Variants in SLC12A1 observed in about 807,000 individuals in gnomAD.
SLC12A1 encodes Na-K-2Cl cotransporter.
SLC12A1 carries 89 observed loss-of-function variants against 130.4 expected under a neutral mutation model. That is an observed-to-expected ratio of 0.68 (90% CI 0.58 to 0.81). The LOEUF is 0.81. Among genes scored for constraint, SLC12A1 ranks in the 40% least tolerant of loss-of-function variants. The pLI, the probability that SLC12A1 is intolerant of heterozygous loss-of-function variation, is 0.00. For missense variants in SLC12A1, 1,310 were observed against 1,336.4 expected (o/e 0.98, Z 0.31); for synonymous variants, 499 against 460.0 (o/e 1.08, Z -1.09).
At chr15:48,223,168 G>C (rs1284713766) in intron 4 of SLC12A1, 1 of 152,170 alleles carries the variant, frequency 6.6e-6, no homozygotes, top group Non-Finnish European at 1.5e-5. Context: ...TAAAGCTAAA[G>C]TACCTTTCTG....
chr15:48,291,599 C>T (rs866195218), intron 23 of SLC12A1, among the ~76,000 whole-genome samples, 179 bp from the exon 24 acceptor site: 14 of 152,198 alleles, frequency 9.2e-5, no homozygotes, highest in Non-Finnish European at 1.5e-4. Flanking sequence ...GCTTGGTCCA[C>T]ACTTAATGCG....
At chr15:48,290,353 T>G (rs900955072) in intron 23 of SLC12A1, among the ~76,000 whole-genome samples, 14 of 152,180 alleles carry the variant, frequency 9.2e-5, no homozygotes, top group African/African-American at 3.4e-4. Flanking sequence ...CCTGAAGCTG[T>G]TTCACAGTTC....
chr15:48,255,762 C>T (rs1450572818), intron 15 of SLC12A1, 49 bp from the exon 16 acceptor site: 2 of 1,156,480 alleles, frequency 1.7e-6, no homozygotes, highest in African/African-American at 3.1e-5. Context: ...TCATGGTGCA[C>T]AGAGGAAAGG....
In SLC12A1 at chr15:48,251,639, A is replaced by G; in HGVS notation, c.1811A>G (p.Tyr604Cys). ...SPGWRPAYGI[Y>C]NMWVSLFGAV... Reference sequence around the variant, plus strand: ...GGATGGAGACCTGCGTATGGAATTTACAACATGTGGGTATCTCTTTTTGGA... The same window carrying G: ...GGATGGAGACCTGCGTATGGAATTTGCAACATGTGGGTATCTCTTTTTGGA... Residue 604 changes from tyrosine to cysteine, a missense_variant, in exon 15 of 27, where the codon TAC (tyrosine) becomes TGC (cysteine). Physicochemically the swap from Tyr to Cys is radical, Grantham distance 194. Transcript: ENST00000380993. 6.2e-7 allele frequency: 1 copy of G among 1,613,854 alleles called. No homozygotes were observed. Among genetic ancestry groups the G allele is most frequent in the Non-Finnish European group, 8.5e-7 (1 of 1,179,770 alleles).
intron 18 of SLC12A1, among the ~76,000 whole-genome samples, chr15:48,268,166 C>T (rs1285450452): frequency 6.6e-6 from 1 of 152,164 alleles, no homozygotes; most frequent in Non-Finnish European, 1.5e-5. Flanking sequence ...TCTCCCTATC[C>T]TCCTGAATTA....
chr15:48,237,564 G>A (rs1314055395), intron 9 of SLC12A1, among the ~76,000 whole-genome samples: 3 of 152,128 alleles, frequency 2.0e-5, no homozygotes, highest in African/African-American at 4.8e-5. Flanking sequence ...ACAAACAATG[G>A]CCTGTTAAGA....
At chr15:48,234,556 C>G (rs184852839) in intron 8 of SLC12A1, among the ~76,000 whole-genome samples, 4 of 151,756 alleles carry the variant, frequency 2.6e-5, no homozygotes, top group African/African-American at 4.8e-5. Flanking sequence ...CAGCCTGGCC[C>G]ACATGGTGAA....
At chr15:48,222,747 T>C (rs1031274353) in intron 4 of SLC12A1, 3 of 152,184 alleles carry the variant, frequency 2.0e-5, no homozygotes, top group African/African-American at 7.2e-5. Flanking sequence ...GTTTTCCTTA[T>C]TGGGGAAGAA....
chr15:48,215,947 C>T (rs868504457), intron 2 of SLC12A1, among the ~76,000 whole-genome samples: 9 of 152,264 alleles, frequency 5.9e-5, no homozygotes, highest in South Asian at 2.1e-4. Flanking sequence ...CTAGTTTATA[C>T]GGTGCAGGAT....
chr15:48,265,534 G>C (rs1017545359), intron 17 of SLC12A1, among the ~76,000 whole-genome samples: 2 of 152,154 alleles, frequency 1.3e-5, no homozygotes, highest in African/African-American at 4.8e-5. Context: ...GATTCAAAAT[G>C]CATTGACAAT....
intron 10 of SLC12A1, among the ~76,000 whole-genome samples, chr15:48,244,423 C>T (rs546609730): frequency 3.9e-5 from 6 of 152,174 alleles, no homozygotes; most frequent in Non-Finnish European, 8.8e-5. Context: ...GTTGGTAGTA[C>T]TAAGCCAGAC....
At chr15:48,254,855 T>C (rs1188495246) in intron 15 of SLC12A1, among the ~76,000 whole-genome samples, 7 of 151,694 alleles carry the variant, frequency 4.6e-5, no homozygotes, top group Non-Finnish European at 7.4e-5. Flanking sequence ...ACCCGGGATG[T>C]GGAGCTTGCA....
intron 5 of SLC12A1, chr15:48,226,996 C>A: frequency 1.2e-6 from 1 of 861,794 alleles, no homozygotes; most frequent in Non-Finnish European, 1.9e-6. Context: ...CTTTCTGTGA[C>A]AAGATTCAGA....
chr15:48,293,091 T>C (rs1300322100), intron 24 of SLC12A1, among the ~76,000 whole-genome samples: 1 of 152,164 alleles, frequency 6.6e-6, no homozygotes, highest in Non-Finnish European at 1.5e-5. Flanking sequence ...AATTTTTTGG[T>C]AGAGACAGGC....
At chr15:48,272,887 C>T (rs1302631214) in intron 19 of SLC12A1, among the ~76,000 whole-genome samples, 1 of 152,062 alleles carries the variant, frequency 6.6e-6, no homozygotes, top group Non-Finnish European at 1.5e-5. Context: ...GTGGGCAGAT[C>T]ACTTGAGGTC....
chr15:48,208,005 T>A lies in SLC12A1; in HGVS notation c.286T>A (p.Tyr96Asn), dbSNP rs773795619. The A allele has an allele frequency of 1.9e-6, 3 of 1,613,926 alleles. No homozygotes were observed. In the South Asian group the frequency reaches 3.3e-5, roughly 18 times the overall value. The change falls in exon 2 of 27, where the codon TAC (tyrosine) becomes AAC (asparagine). Residue 96 changes from tyrosine (Y) to asparagine (N), a missense_variant. Tyr to Asn is a moderately radical substitution (Grantham distance 143). Coordinates refer to ENST00000380993, the MANE Select transcript of SLC12A1 (RefSeq NM_000338.3). ...CGCTTATGATTCTCACACAAACACATACTATCTACAAACTTTTGGCCACAA... is the reference window on the plus strand; with the variant it reads ...CGCTTATGATTCTCACACAAACACAAACTATCTACAAACTTTTGGCCACAA... ...FHAYDSHTNT[Y>N]YLQTFGHNTM... is the part of the protein sequence containing the mutation.
intron 4 of SLC12A1, chr15:48,226,017 T>G (rs1434142539): frequency 5.3e-6 from 2 of 377,968 alleles, no homozygotes; most frequent in Non-Finnish European, 7.3e-6. Flanking sequence ...AGTTCACCAC[T>G]GACCTTTCTG....
intron 15 of SLC12A1, 126 bp from the exon 16 acceptor site, chr15:48,255,685 A>G: frequency 1.6e-6 from 1 of 635,222 alleles, no homozygotes; most frequent in South Asian, 2.1e-5. Context: ...ATTTTCTCTA[A>G]TTTGGGCACT....
At chr15:48,277,025 G>C (rs1043089814) in intron 20 of SLC12A1, among the ~76,000 whole-genome samples, 9 of 152,126 alleles carry the variant, frequency 5.9e-5, no homozygotes, top group African/African-American at 1.9e-4. Context: ...GATTGCAGTG[G>C]GTTGAGGAGA....
Sources: allele counts gnomAD v4.1 joint callset (sites outside exome capture counted in the v4.1 genomes callset), GRCh38; gene constraint gnomAD v4.1.1; transcripts MANE v1.5; gene names NCBI Gene and HGNC (gene_info 2026-07-23, HGNC 2026-07-21).